Variants in AFAP1 observed in about 807,000 individuals in gnomAD.
The protein encoded by AFAP1 is actin filament associated protein 1.
In AFAP1, 75 loss-of-function variants were observed where a neutral mutation model predicts 93.9. That is an observed-to-expected ratio of 0.80 (90% CI 0.66 to 0.97). The LOEUF is 0.97. Among genes scored for constraint, AFAP1 ranks in the 50% least tolerant of loss-of-function variants. The pLI is 0.00. For missense variants in AFAP1, 1,201 were observed against 1,050.8 expected (o/e 1.14, Z -1.98); for synonymous variants, 517 against 430.7 (o/e 1.20, Z -2.48).
At position 7,764,102 on chromosome 4, in the gene AFAP1, G is replaced by A. The variant is rs74497930; in HGVS notation, c.2419-311C>T. 3.9e-3 allele frequency among the ~76,000 whole-genome samples: 601 copies of A among 152,316 alleles called. 8 individuals are homozygous for A. Among genetic ancestry groups the A allele is most frequent in the Non-Finnish European group, 3.9e-3 (268 of 68,028 alleles). ...ACATGGCGAGTACAGACAACACCAC[G>A]TATTCGGCCTGAAAAAGGAAGGGCC... is the stretch of plus-strand genomic sequence containing the variant. On this transcript the variant is annotated intron_variant, in intron 17 of 17. Coordinates refer to ENST00000420658, the MANE Select transcript of AFAP1 (RefSeq NM_001134647.2).
intron 11 of AFAP1, chr4:7,788,919 C>A (rs1012680626): frequency 2.0e-5 from 3 of 152,294 alleles, no homozygotes; most frequent in Non-Finnish European, 4.4e-5. Context: ...GCAGCAGGGA[C>A]AAAGGATGGG....
rs138378634 is a variant in AFAP1, at chr4:7,852,036, G to A, written c.334+3430C>T. Among the ~76,000 whole-genome samples, 501 of 152,254 alleles carry A rather than the reference G, an allele frequency of 3.3e-3. 5 individuals carry two copies. The highest frequency in any genetic ancestry group is 0.011 in the African/African-American group (468 of 41,548). ...CTGATCTTGCCACAGACTCCAGCACGCTGAAGTCACTTACCCAATAGGTCA... is the reference window on the plus strand; with the variant it reads ...CTGATCTTGCCACAGACTCCAGCACACTGAAGTCACTTACCCAATAGGTCA... On this transcript the variant is annotated intron_variant, in intron 4 of 17. Transcript: ENST00000420658.
chr4:7,779,787 G>A (rs1007392808), intron 13 of AFAP1, among the ~76,000 whole-genome samples: 2 of 152,166 alleles, frequency 1.3e-5, no homozygotes, highest in East Asian at 1.9e-4. Flanking sequence ...ATCAGATGAC[G>A]TGCCATACAT....
chr4:7,834,128 CAT>C (rs1553842868), intron 6 of AFAP1, among the ~76,000 whole-genome samples: 3 of 119,426 alleles, frequency 2.5e-5, no homozygotes, highest in South Asian at 2.2e-4. Context: ...CACACACACA[CAT>C]ATATACAATG....
At chr4:7,855,430 C>G (rs1454231840) in intron 4 of AFAP1, 36 bp downstream of exon 4, 3 of 1,487,706 alleles carry the variant, frequency 2.0e-6, no homozygotes, top group Non-Finnish European at 2.8e-6. Context: ...CTGCCAATCA[C>G]AAAGGCAGCA....
intron 1 of AFAP1, among the ~76,000 whole-genome samples, chr4:7,933,580 A>T (rs369201652): frequency 6.6e-6 from 1 of 152,212 alleles, no homozygotes. Context: ...CTCAAAAAAA[A>T]TATTTAAAAA....
At chr4:7,824,132 A>G (rs940784866) in intron 6 of AFAP1, among the ~76,000 whole-genome samples, 2 of 152,236 alleles carry the variant, frequency 1.3e-5, no homozygotes, top group African/African-American at 4.8e-5. Context: ...CAATTCTTTG[A>G]ACAGCTATAA....
At position 7,855,468 on chromosome 4, in the gene AFAP1, G is replaced by C; in HGVS notation, c.332C>G (p.Ser111Ter). Residue 111 changes from serine to a stop codon, truncating the protein, a stop_gained and splice_region_variant, in exon 4 of 18, where the codon TCA (serine) becomes TGA (stop). Transcript: ENST00000420658. LOFTEE classifies it high-confidence loss of function. ...GCTGGGCAGGGCTGGCCACTCACTT[G>C]ATGTGATGTATTCCGGAGCTTTTCC... ...SPGKAPEYIT[S>*]NYDSDAMSSS... 1.9e-6 allele frequency: 3 copies of C among 1,601,554 alleles called. No individual in the cohort carries two copies. Among genetic ancestry groups the C allele is most frequent in the Non-Finnish European group, 2.6e-6 (3 of 1,171,328 alleles).
At chr4:7,778,391 T>TA in intron 14 of AFAP1, 1 of 327,620 alleles carries the variant, frequency 3.1e-6, no homozygotes, top group South Asian at 2.9e-5. Flanking sequence ...CAGATAAAGA[T>TA]GCTGAGTTTA....
At chr4:7,869,220 G>T (rs1716800875) in intron 2 of AFAP1, among the ~76,000 whole-genome samples, 1 of 151,052 alleles carries the variant, frequency 6.6e-6, no homozygotes, top group Non-Finnish European at 1.5e-5. Flanking sequence ...GATGGATGGA[G>T]GGAAGGAGGA....
At chr4:7,832,601 A>T (rs956977670) in intron 6 of AFAP1, among the ~76,000 whole-genome samples, 46 of 151,956 alleles carry the variant, frequency 3.0e-4, no homozygotes, top group African/African-American at 1.0e-3. Flanking sequence ...CCTGATGAAG[A>T]CAATTAGAAA....
chr4:7,899,142 TAGAC>T (rs1718972143), intron 1 of AFAP1, among the ~76,000 whole-genome samples: 3 of 152,052 alleles, frequency 2.0e-5, no homozygotes, highest in African/African-American at 7.2e-5. Context: ...AATATTTTAA[TAGAC>T]AGATGCATTG....
intron 9 of AFAP1, among the ~76,000 whole-genome samples, chr4:7,806,158 G>A (rs180750133): frequency 4.1e-4 from 62 of 152,290 alleles, no homozygotes; most frequent in African/African-American, 1.4e-3. Flanking sequence ...TTATCTACGC[G>A]GCTGTGTGCT....
intron 1 of AFAP1, among the ~76,000 whole-genome samples, chr4:7,924,893 T>C (rs199720196): frequency 3.8e-5 from 2 of 53,218 alleles, no homozygotes; most frequent in African/African-American, 1.0e-4. Flanking sequence ...TTTTGGCCCC[T>C]GTTTCCCAGT....
intron 1 of AFAP1, among the ~76,000 whole-genome samples, chr4:7,908,120 G>C (rs942109502): frequency 6.6e-6 from 1 of 151,992 alleles, no homozygotes; most frequent in Admixed American, 6.6e-5. Flanking sequence ...GCTGAGGCAC[G>C]AGAATCGCTT....
intron 9 of AFAP1, among the ~76,000 whole-genome samples, chr4:7,806,382 AC>A (rs1719518066): frequency 6.6e-6 from 1 of 152,164 alleles, no homozygotes; most frequent in Non-Finnish European, 1.5e-5. Context: ...CAAGGCCCTC[AC>A]AGCAGCTCTG....
chr4:7,871,866 A>G, intron 2 of AFAP1, 86 bp downstream of exon 2: 1 of 1,490,222 alleles, frequency 6.7e-7, no homozygotes, highest in Non-Finnish European at 9.1e-7. Flanking sequence ...ACAAATAAAT[A>G]TATTTTAGAA....
intron 1 of AFAP1, among the ~76,000 whole-genome samples, chr4:7,932,975 G>C (rs991817996): frequency 7.6e-6 from 1 of 131,702 alleles, no homozygotes. Flanking sequence ...AGCCGAGATC[G>C]CGCCACTGCA....
chr4:7,802,870 C>T (rs542071498), intron 9 of AFAP1, among the ~76,000 whole-genome samples: 7 of 152,140 alleles, frequency 4.6e-5, no homozygotes, highest in Admixed American at 3.9e-4. Context: ...AGGAAGGTCT[C>T]GATCTCCTGA....
Sources: allele counts gnomAD v4.1 joint callset (sites outside exome capture counted in the v4.1 genomes callset), GRCh38; gene constraint gnomAD v4.1.1; transcripts MANE v1.5; gene names NCBI Gene and HGNC (gene_info 2026-07-23, HGNC 2026-07-21).